Variants in PALM2AKAP2 observed in about 807,000 individuals in gnomAD.
PALM2AKAP2 encodes PALM2 and AKAP2 fusion.
In PALM2AKAP2, 37 loss-of-function variants were observed where a neutral mutation model predicts 71.5. The observed-to-expected ratio is 0.52, with a 90% confidence interval of 0.40 to 0.68. The LOEUF is 0.68. Among genes scored for constraint, PALM2AKAP2 ranks in the 30% least tolerant of loss-of-function variants. The pLI is 0.00. For missense variants in PALM2AKAP2, 1,224 were observed against 1,191.8 expected, an observed-to-expected ratio of 1.03 and a Z score of -0.40; for synonymous variants, 468 against 478.8, an observed-to-expected ratio of 0.98 and a Z score of 0.29.
At chr9:109,937,715 TC>T (rs1411288226) in intron 6 of PALM2AKAP2, among the ~76,000 whole-genome samples, 1 of 152,172 alleles carries the variant, frequency 6.6e-6, no homozygotes, top group Non-Finnish European at 1.5e-5. Context: ...CAGTGAAACT[TC>T]CATTGAATTG....
intron 6 of PALM2AKAP2, among the ~76,000 whole-genome samples, chr9:109,950,820 C>A (rs751223423): frequency 8.5e-5 from 13 of 152,332 alleles, no homozygotes; most frequent in Admixed American, 3.9e-4. Flanking sequence ...ATGCAATTGC[C>A]TGAAGGTGCT....
At chr9:110,153,616 C>A (rs1587868198) in intron 2 of PALM2AKAP2, among the ~76,000 whole-genome samples, 1 of 152,354 alleles carries the variant, frequency 6.6e-6, no homozygotes, top group South Asian at 2.1e-4. Flanking sequence ...AATGGACTTA[C>A]TGATTACTCA....
chr9:109,968,184 C>T (rs1316181676), intron 6 of PALM2AKAP2, among the ~76,000 whole-genome samples: 1 of 152,210 alleles, frequency 6.6e-6, no homozygotes, highest in African/African-American at 2.4e-5. Flanking sequence ...TGGCACTTCT[C>T]CCAGGGAGAG....
intron 6 of PALM2AKAP2, among the ~76,000 whole-genome samples, chr9:109,939,636 C>A (rs940094338): frequency 6.6e-6 from 1 of 152,166 alleles, no homozygotes; most frequent in Non-Finnish European, 1.5e-5. Context: ...TCCCAAACTG[C>A]TTTTTAAAAT....
intron 1 of PALM2AKAP2, among the ~76,000 whole-genome samples, chr9:109,764,885 AAG>A (rs1399148400): frequency 6.6e-6 from 1 of 152,242 alleles, no homozygotes; most frequent in Non-Finnish European, 1.5e-5. Flanking sequence ...ACCTGGACTA[AAG>A]CTAGGACCAT....
intron 7 of PALM2AKAP2, among the ~76,000 whole-genome samples, chr9:110,035,854 A>G (rs1265572745): frequency 7.1e-6 from 1 of 139,984 alleles, no homozygotes; most frequent in Non-Finnish European, 1.6e-5. Context: ...TATATATGAT[A>G]TGTTGTGTGT....
chr9:109,692,102 A>G (rs994464457), intron 1 of PALM2AKAP2, among the ~76,000 whole-genome samples: 3 of 151,020 alleles, frequency 2.0e-5, no homozygotes, highest in African/African-American at 4.8e-5. Flanking sequence ...AAATTGAGAT[A>G]TAATTCACAC....
In PALM2AKAP2 at chr9:109,783,304, T is replaced by G. The variant is rs78007220; in HGVS notation, c.45+2771T>G. Among the ~76,000 whole-genome samples the G allele has an allele frequency of 3.6e-3, 530 of 145,646 alleles. 5 individuals carry two copies. Among genetic ancestry groups the G allele is most frequent in the African/African-American group, 0.013 (485 of 37,714 alleles). ...GGGGTCAGAAGCAACATCTCTGAAG[T>G]GGAATGTGTATTAATGACTTTTTTT... is the stretch of plus-strand genomic sequence containing the variant. On this transcript the variant is annotated intron_variant, in intron 1 of 9. Coordinates refer to the PALM2AKAP2 transcript ENST00000302798.
At chr9:109,730,592 T>TCCA in intron 1 of PALM2AKAP2, among the ~76,000 whole-genome samples, 1 of 152,368 alleles carries the variant, frequency 6.6e-6, no homozygotes, top group East Asian at 1.9e-4. Flanking sequence ...TTTTTGCCAG[T>TCCA]AGTGTACTTC....
At chr9:109,954,638 C>A (rs1831709972) in intron 6 of PALM2AKAP2, among the ~76,000 whole-genome samples, 1 of 128,970 alleles carries the variant, frequency 7.8e-6, no homozygotes. Context: ...TGCACATGTA[C>A]CCTAAAACTT....
intron 2 of PALM2AKAP2, among the ~76,000 whole-genome samples, chr9:109,879,236 A>G (rs1829789210): frequency 6.6e-6 from 1 of 152,218 alleles, no homozygotes; most frequent in Non-Finnish European, 1.5e-5. Flanking sequence ...AGATCAAACG[A>G]AATTCTGGAC....
At chr9:109,686,338 T>A (rs1827805055) in intron 1 of PALM2AKAP2, among the ~76,000 whole-genome samples, 2 of 152,240 alleles carry the variant, frequency 1.3e-5, no homozygotes, top group Non-Finnish European at 2.9e-5. Flanking sequence ...TATAGCCTTA[T>A]AAAACGTATT....
At chr9:109,664,118 C>T (rs1827441719) in intron 1 of PALM2AKAP2, among the ~76,000 whole-genome samples, 1 of 152,170 alleles carries the variant, frequency 6.6e-6, no homozygotes, top group African/African-American at 2.4e-5. Flanking sequence ...ATACAACACA[C>T]TGATGGGTCT....
intron 3 of PALM2AKAP2, among the ~76,000 whole-genome samples, chr9:109,911,090 G>A (rs941741239): frequency 6.6e-6 from 1 of 152,158 alleles, no homozygotes; most frequent in Admixed American, 6.5e-5. Flanking sequence ...GGGTGGAGGC[G>A]CTGGCCTTCA....
chr9:109,714,012 GT>G (rs1411938039), intron 1 of PALM2AKAP2, among the ~76,000 whole-genome samples: 1 of 152,058 alleles, frequency 6.6e-6, no homozygotes, highest in African/African-American at 2.4e-5. Flanking sequence ...TTTCTGTTCA[GT>G]TTTTTTGTAA....
chr9:109,910,526 C>G (rs1175781205), intron 3 of PALM2AKAP2, among the ~76,000 whole-genome samples: 1 of 152,078 alleles, frequency 6.6e-6, no homozygotes, highest in African/African-American at 2.4e-5. Flanking sequence ...GAAGAGGTGC[C>G]CATATGGAGA....
At chr9:110,084,679 T>TA (rs1010283721) in intron 1 of PALM2AKAP2, among the ~76,000 whole-genome samples, 5 of 151,752 alleles carry the variant, frequency 3.3e-5, no homozygotes, top group East Asian at 1.9e-4. Flanking sequence ...GGAATCATGA[T>TA]AAAAAAAAGT....
At chr9:109,898,559 T>A (rs1830257778) in intron 3 of PALM2AKAP2, among the ~76,000 whole-genome samples, 1 of 152,236 alleles carries the variant, frequency 6.6e-6, no homozygotes, top group Non-Finnish European at 1.5e-5. Context: ...TCACTATTGT[T>A]TGTTGAATTA....
At position 109,831,834 on chromosome 9, in the gene PALM2AKAP2, T is replaced by G. The variant is rs1159516443; in HGVS notation, c.46-35657T>G. ...ATTGCTGCATTAGTCCCTTTTTTTT[T>G]GTTTATTTTGCTTCTTAGTAGAAAA... On this transcript the variant is annotated intron_variant, in intron 1 of 9. Coordinates refer to the PALM2AKAP2 transcript ENST00000302798. Among the ~76,000 whole-genome samples, 5 of 152,176 alleles carry G rather than the reference T, an allele frequency of 3.3e-5. No homozygotes were observed. In the East Asian group the frequency reaches 5.8e-4, roughly 18 times the overall value.
Sources: allele counts gnomAD v4.1 joint callset (sites outside exome capture counted in the v4.1 genomes callset), GRCh38; gene constraint gnomAD v4.1.1; transcripts MANE v1.5; gene names NCBI Gene and HGNC (gene_info 2026-07-23, HGNC 2026-07-21).